The following CILP2 variants were observed in gnomAD, a reference collection of about 807,000 sequenced individuals.
CILP2 encodes CILP-2.
CILP2 carries 38 observed loss-of-function variants against 45.6 expected under a neutral mutation model. That is an observed-to-expected ratio of 0.83 (90% CI 0.64 to 1.09). The LOEUF (loss-of-function observed/expected upper bound fraction) is 1.09, where lower values mean the gene tolerates loss of function less well. Among genes scored for constraint, CILP2 ranks in the 50% least tolerant of loss-of-function variants. CILP2 has a pLI of 0.00. For synonymous variants in CILP2, 780 were observed against 723.5 expected, an observed-to-expected ratio of 1.08 and a Z score of -1.25; for missense variants, 1,735 against 1,662.2, an observed-to-expected ratio of 1.04 and a Z score of -0.76.
chr19:19,541,381 G>A, intron 4 of CILP2, 135 bp downstream of exon 4: 5 of 827,782 alleles, frequency 6.0e-6, no homozygotes, highest in Non-Finnish European at 8.1e-6. Context: ...CCTGAGCGAT[G>A]CCTAGAGGGG....
Position 19,546,044 on chromosome 19 carries a change from TC to T in CILP2, c.*31del. 1 of 1,423,206 alleles carries T rather than the reference TC, an allele frequency of 7.0e-7. No homozygotes were observed. The highest frequency in any genetic ancestry group is 9.2e-7 in the Non-Finnish European group (1 of 1,090,838). The allele number at this position is 1,423,206 out of a possible 1,614,324, so 88.2% of individuals were successfully genotyped here. A position where few individuals can be genotyped will look rare whatever the true frequency, so the allele number is the denominator to read the frequency against. On this transcript the variant is annotated 3_prime_UTR_variant, in exon 8 of 8. Coordinates refer to ENST00000291495, the MANE Select transcript of CILP2 (RefSeq NM_153221.2). ...TGGGCAGGGGCCTCGCTTTCCCACC[TC>T]CCTCCAGACTCCTTTGACCCCAGGA...
chr19:19,542,430 C>T lies in CILP2; in HGVS notation c.648C>T (p.Val216=). Residue 216 remains valine, a synonymous_variant, in exon 5 of 8, where the codon GTC becomes GTT. Coordinates refer to ENST00000291495, the MANE Select transcript of CILP2 (RefSeq NM_153221.2). ...ACCACATCCTCCTGGGCTCGGTGGTCACCCCATCTGGGCAACCACTGCTAG... is the reference window on the plus strand; with the variant it reads ...ACCACATCCTCCTGGGCTCGGTGGTTACCCCATCTGGGCAACCACTGCTAG... ...CPDHILLGSV[V]TPSGQPLLGA... is the part of the protein sequence containing the mutation. The T allele has an allele frequency of 6.2e-7, 1 of 1,612,320 alleles. No homozygotes were observed. The highest frequency in any genetic ancestry group is 8.5e-7 in the Non-Finnish European group (1 of 1,179,988).
chr19:19,541,228 G>C lies in CILP2; in HGVS notation c.574G>C (p.Val192Leu), dbSNP rs768901816. The C allele has an allele frequency of 3.9e-6, 5 of 1,285,788 alleles. No individual in the cohort carries two copies. The Admixed American group carries it at 1.3e-4, about 34-fold the overall frequency. The allele number at this position is 1,285,788 out of a possible 1,614,324, so 79.6% of individuals were successfully genotyped here. ...GCGTCCTCTGGAGGCGCAGAAGTGC[G>C]TGCGGCCTCGGTGTCCAGGTAGGAG... ...PGRPLEAQKC[V>L]RPRCPGCSLD... Residue 192 changes from valine to leucine, a missense_variant, in exon 4 of 8, where the codon GTG (valine) becomes CTG (leucine). Val to Leu is a conservative substitution (Grantham distance 32). Coordinates refer to ENST00000291495, the MANE Select transcript of CILP2 (RefSeq NM_153221.2).
rs2144679347 is a variant in CILP2 at position 19,544,582 on chromosome 19, C to G, written c.2037C>G (p.Leu679=). ...QIHMPGHVEA[L]KLWSLNPETG... The stretch of plus-strand genomic sequence containing the variant: ...ACATGCCAGGCCACGTGGAGGCCCT[C>G]AAGCTGTGGTCGCTGAACCCCGAGA... The change falls in exon 8 of 8, where the codon CTC becomes CTG. Residue 679 remains leucine, a synonymous_variant. Coordinates refer to ENST00000291495, the MANE Select transcript of CILP2 (RefSeq NM_153221.2). 1 of 1,577,568 alleles carries G rather than the reference C, an allele frequency of 6.3e-7. No individual in the cohort carries two copies. The highest frequency in any genetic ancestry group is 8.6e-7 in the Non-Finnish European group (1 of 1,168,068).
chr19:19,545,739 C>G lies in CILP2; in HGVS notation c.3194C>G (p.Thr1065Ser). The change falls in exon 8 of 8, where the codon ACT (threonine) becomes AGT (serine). Residue 1065 changes from threonine to serine, a missense_variant. By Grantham distance (58) the Thr-to-Ser change is moderately conservative (BLOSUM62 1). Coordinates refer to ENST00000291495, the MANE Select transcript of CILP2 (RefSeq NM_153221.2). ...CACAACTATGGCGTCTACACTGTCA[C>G]TGACCAGAGCCCACGCTTGGCCAAG... ...LGHNYGVYTVTDQSPRLAKEI... is the reference protein window; with the variant it reads ...LGHNYGVYTVSDQSPRLAKEI... The G allele has an allele frequency of 6.2e-7, 1 of 1,612,880 alleles. No individual in the cohort carries two copies. The highest frequency in any genetic ancestry group is 8.5e-7 in the Non-Finnish European group (1 of 1,179,552).
rs747070556 is a variant in CILP2, at chr19:19,542,393, G to A, written c.611G>A (p.Cys204Tyr). The change falls in exon 5 of 8, where the codon TGT becomes TAT. Residue 204 changes from cysteine (C) to tyrosine (Y), a missense_variant. Cys to Tyr is a radical substitution (Grantham distance 194). Coordinates refer to ENST00000291495, the MANE Select transcript of CILP2 (RefSeq NM_153221.2). ...CCCCCAGGGTGCAGCCTTGACACCT[G>A]TGAATGCCCGGACCACATCCTCCTG... ...PRCPGCSLDTCECPDHILLGS... is the reference protein window; with the variant it reads ...PRCPGCSLDTYECPDHILLGS... 8.7e-6 allele frequency: 14 copies of A among 1,611,894 alleles called. 1 individual carries two copies. The South Asian group carries it at 1.4e-4, about 16-fold the overall frequency.
rs751776570 is a variant in CILP2 at position 19,545,843 on chromosome 19, G to A, written c.3298G>A (p.Val1100Ile). ...GATGAAGGCTGATGCCGGCACAGCC[G>A]TCACCTTCCAGTGCCGGGAGCCACC... ...REMKADAGTA[V>I]TFQCREPPAG... The change falls in exon 8 of 8, where the codon GTC (valine) becomes ATC (isoleucine). Residue 1100 changes from valine (V) to isoleucine (I), a missense_variant. Physicochemically the swap from Val to Ile is conservative, Grantham distance 29. Transcript: ENST00000291495. 13 of 1,584,732 alleles carry A rather than the reference G, an allele frequency of 8.2e-6. No homozygotes were observed. Among genetic ancestry groups the A allele is most frequent in the Admixed American group, 1.7e-5 (1 of 57,700 alleles).
At chr19:19,540,629 A>T in intron 3 of CILP2, 153 bp downstream of exon 3, 1 of 887,902 alleles carries the variant, frequency 1.1e-6, no homozygotes, top group Non-Finnish European at 1.6e-6. Flanking sequence ...GCGTAGGACG[A>T]CGTCAGGGGG....
Position 19,543,927 on chromosome 19 carries a change from CAG to C in CILP2, c.1385_1386del (p.Glu462ValfsTer21), listed in dbSNP as rs1477666920. 1 of 1,613,570 alleles carries C rather than the reference CAG, an allele frequency of 6.2e-7. No homozygotes were observed. Among genetic ancestry groups the C allele is most frequent in the East Asian group, 2.2e-5 (1 of 44,862 alleles). ...TACGTCCTCCCAGTGAAGGTGGTGG[CAG>C]AGTGTGGCTGCCAGAAGTGTCTGCC... On this transcript the variant is annotated frameshift_variant, in exon 8 of 8. Coordinates refer to ENST00000291495, the MANE Select transcript of CILP2 (RefSeq NM_153221.2). LOFTEE classifies it low-confidence loss of function (END_TRUNC).
chr19:19,545,505 C>G lies in CILP2; in HGVS notation c.2960C>G (p.Ser987Trp), dbSNP rs942364343. Residue 987 changes from serine to tryptophan, a missense_variant, in exon 8 of 8, where the codon TCG becomes TGG. Transcript: ENST00000291495. ...CGAGACCCCGAGCGTCCGGGCACCTCGGCAGCCTGCGTGGAGTTCAAGTGC... is the reference window on the plus strand; with the variant it reads ...CGAGACCCCGAGCGTCCGGGCACCTGGGCAGCCTGCGTGGAGTTCAAGTGC... Reference protein sequence around the residue: ...SVRDPERPGTSAACVEFKCSG... With the variant: ...SVRDPERPGTWAACVEFKCSG... The G allele has an allele frequency of 7.3e-5, 118 of 1,612,394 alleles. No individual in the cohort carries two copies. The highest frequency in any genetic ancestry group is 9.9e-5 in the Non-Finnish European group (117 of 1,179,810).
chr19:19,544,216 A>G lies in CILP2; in HGVS notation c.1671A>G (p.Lys557=), dbSNP rs1216325725. The change falls in exon 8 of 8, where the codon AAA becomes AAG. Residue 557 remains lysine (K), a synonymous_variant. Transcript: ENST00000291495. ...ACGAGGTCAAGGCCATGCGGAAGAA[A>G]GCCCCGGTCATTTTACATACCAGCC... ...VYHEVKAMRK[K]APVILHTSQS... 2 of 1,613,766 alleles carry G rather than the reference A, an allele frequency of 1.2e-6. No individual in the cohort carries two copies. The highest frequency in any genetic ancestry group is 1.7e-6 in the Non-Finnish European group (2 of 1,179,968).
chr19:19,540,517 G>A, intron 3 of CILP2, 41 bp downstream of exon 3: 1 of 1,370,306 alleles, frequency 7.3e-7, no homozygotes, highest in Non-Finnish European at 9.4e-7. Context: ...GCTTTGAATG[G>A]GCGGGGCTGG....
In CILP2 at chr19:19,544,899, T is replaced by C. The variant is rs1197973488; in HGVS notation, c.2354T>C (p.Val785Ala). 3 of 1,589,012 alleles carry C rather than the reference T, an allele frequency of 1.9e-6. No homozygotes were observed. Among genetic ancestry groups the C allele is most frequent in the African/African-American group, 1.3e-5 (1 of 74,452 alleles). ...GCCTGGGGCCGCTTTGACAGCGCGGTCACCGGCCCCAATGGCGCCTGCCTC... is the reference window on the plus strand; with the variant it reads ...GCCTGGGGCCGCTTTGACAGCGCGGCCACCGGCCCCAATGGCGCCTGCCTC... ...PRAWGRFDSA[V>A]TGPNGACLPA... Residue 785 changes from valine to alanine, a missense_variant, in exon 8 of 8, where the codon GTC becomes GCC. Transcript: ENST00000291495.
intron 2 of CILP2, 58 bp from the exon 3 acceptor site, chr19:19,540,146 C>T: frequency 1.4e-6 from 2 of 1,472,814 alleles, no homozygotes; most frequent in Non-Finnish European, 1.8e-6. Flanking sequence ...GGCCTTTGCA[C>T]GCATGCATGG....
Position 19,540,396 on chromosome 19 carries a change from G to A in CILP2, c.356G>A (p.Arg119His). Reference sequence around the variant, plus strand: ...GAGCGCGTGCACTTGAACCCCACGCGCGGCTTCTGGTGCCTCAACCGCGAG... The same window carrying A: ...GAGCGCGTGCACTTGAACCCCACGCACGGCTTCTGGTGCCTCAACCGCGAG... ...VGERVHLNPT[R>H]GFWCLNREQP... The change falls in exon 3 of 8, where the codon CGC becomes CAC. Residue 119 changes from arginine to histidine, a missense_variant. Arg to His is a conservative substitution (Grantham distance 29). Coordinates refer to ENST00000291495, the MANE Select transcript of CILP2 (RefSeq NM_153221.2). The A allele has an allele frequency of 2.0e-6, 3 of 1,521,744 alleles. No homozygotes were observed. Among genetic ancestry groups the A allele is most frequent in the Non-Finnish European group, 2.6e-6 (3 of 1,138,578 alleles). 94.3% of individuals were successfully genotyped at this position (1,521,744 alleles called of 1,614,324 possible).
intron 3 of CILP2, chr19:19,540,724 C>A: frequency 2.0e-6 from 1 of 496,546 alleles, no homozygotes; most frequent in East Asian, 3.4e-5. Flanking sequence ...CCCAGCGGGT[C>A]AGGACCCATG....
intron 1 of CILP2, 110 bp from the exon 2 acceptor site, chr19:19,539,569 A>C: frequency 1.5e-6 from 1 of 686,538 alleles, no homozygotes. Context: ...GTCTCAAAAA[A>C]AAAAAAAAAA....
chr19:19,541,680 C>T (rs979657805), intron 4 of CILP2, among the ~76,000 whole-genome samples: 23 of 152,198 alleles, frequency 1.5e-4, no homozygotes, highest in Non-Finnish European at 2.6e-4. Context: ...ACTCAGGGTG[C>T]ACACGTGCAT....
At chr19:19,540,004 G>A (rs1225602426) in intron 2 of CILP2, among the ~76,000 whole-genome samples, 200 bp from the exon 3 acceptor site, 1 of 152,246 alleles carries the variant, frequency 6.6e-6, no homozygotes, top group Non-Finnish European at 1.5e-5. Flanking sequence ...GACCAGGTCA[G>A]GCCCTGGGCG....
Sources: gnomAD v4.1 joint callset for allele counts (sites outside exome capture counted in the v4.1 genomes callset) on GRCh38, gnomAD v4.1.1 for gene constraint, MANE v1.5 for transcripts, NCBI Gene and HGNC (gene_info 2026-07-23, HGNC 2026-07-21) for gene names.